ZNF507: variants seen among roughly 807,000 people sequenced by gnomAD.
ZNF507 encodes the protein zinc finger protein 507.
ZNF507 carries 29 observed loss-of-function variants against 80.0 expected under a neutral mutation model. The ratio of observed to expected loss-of-function variants is 0.36; its 90% CI spans 0.27 to 0.49. ZNF507 has a LOEUF of 0.49. ZNF507 is among the 20% of genes least tolerant of loss of function. The pLI, the probability that ZNF507 is intolerant of heterozygous loss-of-function variation, is 0.98. For synonymous variants in ZNF507, 462 were observed against 422.5 expected, an observed-to-expected ratio of 1.09 and a Z score of -1.15; for missense variants, 1,081 against 1,152.2, an observed-to-expected ratio of 0.94 and a Z score of 0.90.
At chr19:32,355,027 C>G in intron 3 of ZNF507, 70 bp downstream of exon 3, 1 of 1,385,188 alleles carries the variant, frequency 7.2e-7, no homozygotes, top group Non-Finnish European at 9.6e-7. Context: ...CTTTGTAGAT[C>G]TAATCCAATC....
rs2145349231 is a variant in ZNF507, at chr19:32,384,462, G to GCA, written c.*1379_*1380insCA. 6.6e-6 allele frequency: 1 copy of GCA among 152,170 alleles called. No homozygotes were observed. Among genetic ancestry groups the GCA allele is most frequent in the Non-Finnish European group, 1.5e-5 (1 of 68,014 alleles). 9.4% of individuals were successfully genotyped at this position (152,170 alleles called of 1,614,324 possible). A position where few individuals can be genotyped will look rare whatever the true frequency, so the allele number is the denominator to read the frequency against. On this transcript the variant is annotated 3_prime_UTR_variant, in exon 7 of 7. Coordinates refer to ENST00000355898, the MANE Select transcript of ZNF507 (RefSeq NM_001136156.2). ...AATTCTGCCTACAAGTGAAAAGGTC[G>GCA]GTGCGCTCTTCTGTGCACCATCCTC...
At chr19:32,361,626 G>A (rs1329924525) in intron 5 of ZNF507, among the ~76,000 whole-genome samples, 1 of 152,002 alleles carries the variant, frequency 6.6e-6, no homozygotes, top group East Asian at 1.9e-4. Context: ...GTCCTCCTCA[G>A]TGTCTTCCTT....
At chr19:32,379,159 A>G (rs1967592098) in intron 5 of ZNF507, among the ~76,000 whole-genome samples, 1 of 152,188 alleles carries the variant, frequency 6.6e-6, no homozygotes, top group Admixed American at 6.5e-5. Flanking sequence ...ACAGATACAG[A>G]CACTGAGTTT....
intron 2 of ZNF507, among the ~76,000 whole-genome samples, chr19:32,351,605 A>G (rs1967170390): frequency 6.7e-6 from 1 of 148,802 alleles, no homozygotes; most frequent in African/African-American, 2.5e-5. Context: ...TGATTCAACC[A>G]TGCGGGGAAG....
At chr19:32,350,989 TC>T (rs1967155126) in intron 2 of ZNF507, among the ~76,000 whole-genome samples, 1 of 152,310 alleles carries the variant, frequency 6.6e-6, no homozygotes, top group African/African-American at 2.4e-5. Context: ...AACAAATTGT[TC>T]CCCCATTGGT....
chr19:32,378,575 CAG>C (rs1165113488), intron 5 of ZNF507, among the ~76,000 whole-genome samples: 1 of 151,510 alleles, frequency 6.6e-6, no homozygotes. Context: ...AACATGTTAA[CAG>C]TAAGGGAAAT....
At chr19:32,351,486 G>A (rs1216385293) in intron 2 of ZNF507, among the ~76,000 whole-genome samples, 99 of 106,154 alleles carry the variant, frequency 9.3e-4, no homozygotes, top group African/African-American at 3.3e-3. Flanking sequence ...GGGGGGGCGG[G>A]GCCTGTTTTT....
rs141165770 is a variant in ZNF507, at chr19:32,381,482, C to T, written c.2361-985C>T. Reference sequence around the variant, plus strand: ...AGGCGTGGAAGTGCATGCCTGTAATCCCAGCTACTCAGGAGGCTGAGGCAT... The same window carrying T: ...AGGCGTGGAAGTGCATGCCTGTAATTCCAGCTACTCAGGAGGCTGAGGCAT... On this transcript the variant is annotated intron_variant, in intron 5 of 6. Coordinates refer to ENST00000355898, the MANE Select transcript of ZNF507 (RefSeq NM_001136156.2). 9.4e-3 allele frequency among the ~76,000 whole-genome samples: 1,432 copies of T among 152,124 alleles called. 12 individuals carry two copies. The highest frequency in any genetic ancestry group is 0.015 in the Non-Finnish European group (1,011 of 68,004).
Position 32,347,265 on chromosome 19 carries a change from C to G in ZNF507, c.-76C>G, listed in dbSNP as rs1967108747. The stretch of plus-strand genomic sequence containing the variant: ...CACAGCTGGATTTTGAAGATTGATC[C>G]AAGGGACTGTATTAATTTCAGGAAT... On this transcript the variant is annotated 5_prime_UTR_variant, in exon 2 of 7. Transcript: ENST00000355898. 6.6e-6 allele frequency: 1 copy of G among 152,606 alleles called. No homozygotes were observed. The highest frequency in any genetic ancestry group is 2.1e-4 in the South Asian group (1 of 4,828). The allele number at this position is 152,606 out of a possible 1,614,324, so 9.5% of individuals were successfully genotyped here.
chr19:32,367,037 ATTTATAAAGAAGAGG>A (rs1459245578), intron 5 of ZNF507, among the ~76,000 whole-genome samples: 1 of 152,186 alleles, frequency 6.6e-6, no homozygotes, highest in East Asian at 1.9e-4. Context: ...AGGCTGGGTA[ATTTATAAAGAAGAGG>A]TTTATTTGGC....
chr19:32,348,815 A>G (rs1967127471), intron 2 of ZNF507, among the ~76,000 whole-genome samples: 1 of 152,114 alleles, frequency 6.6e-6, no homozygotes, highest in African/African-American at 2.4e-5. Flanking sequence ...AGCCATATCG[A>G]TCTTTTCACT....
chr19:32,351,471 G>GTGTGTGT (rs56408758), intron 2 of ZNF507, among the ~76,000 whole-genome samples: 24 of 123,320 alleles, frequency 1.9e-4, no homozygotes, highest in Admixed American at 2.6e-4. Context: ...GTGTGTGTGT[G>GTGTGTGT]GCGTGGGGGG....
intron 5 of ZNF507, among the ~76,000 whole-genome samples, chr19:32,371,582 G>A (rs749479624): frequency 3.3e-4 from 50 of 151,614 alleles, no homozygotes; most frequent in Non-Finnish European, 5.9e-4. Flanking sequence ...AGTCTCAAAG[G>A]TATATTGGTA....
At chr19:32,355,875 T>A (rs1967244468) in intron 3 of ZNF507, among the ~76,000 whole-genome samples, 1 of 152,074 alleles carries the variant, frequency 6.6e-6, no homozygotes, top group African/African-American at 2.4e-5. Context: ...GGTGGGCACC[T>A]GTAGTCCCAG....
intron 5 of ZNF507, among the ~76,000 whole-genome samples, chr19:32,371,640 A>T (rs143005963): frequency 0.011 from 581 of 54,134 alleles, 15 homozygotes; most frequent in Non-Finnish European, 0.016. Flanking sequence ...TATTATTATT[A>T]TTATTTTTTT....
At chr19:32,351,389 T>A (rs1967160852) in intron 2 of ZNF507, among the ~76,000 whole-genome samples, 1 of 140,680 alleles carries the variant, frequency 7.1e-6, no homozygotes, top group Non-Finnish European at 1.5e-5. Context: ...TGCCCAGAGT[T>A]GTGGGCGACC....
intron 1 of ZNF507, among the ~76,000 whole-genome samples, chr19:32,346,990 G>A (rs1346826958): frequency 2.6e-5 from 4 of 152,062 alleles, no homozygotes. Flanking sequence ...TAAATTCTGA[G>A]GTAAAACAAA....
At chr19:32,375,933 T>C (rs984993117) in intron 5 of ZNF507, among the ~76,000 whole-genome samples, 3 of 152,216 alleles carry the variant, frequency 2.0e-5, no homozygotes, top group Non-Finnish European at 4.4e-5. Context: ...GAGCACATGC[T>C]GGTGCACAAA....
At chr19:32,379,305 G>A (rs1967594004) in intron 5 of ZNF507, among the ~76,000 whole-genome samples, 1 of 152,150 alleles carries the variant, frequency 6.6e-6, no homozygotes, top group African/African-American at 2.4e-5. Context: ...AATGAATTAA[G>A]GTTAGGGTTT....
Sources: gnomAD v4.1 joint callset for allele counts (sites outside exome capture counted in the v4.1 genomes callset) on GRCh38, gnomAD v4.1.1 for gene constraint, MANE v1.5 for transcripts, NCBI Gene and HGNC (gene_info 2026-07-23, HGNC 2026-07-21) for gene names.